The following CASS4 variants were observed in gnomAD, a reference collection of about 807,000 sequenced individuals.
The protein encoded by CASS4 is Cas scaffold protein family member 4.
In CASS4, 22 loss-of-function variants were observed where a neutral mutation model predicts 54.2. The ratio of observed to expected loss-of-function variants is 0.41; its 90% CI spans 0.29 to 0.58. CASS4 has a LOEUF of 0.58. Ranked by LOEUF, CASS4 falls within the 20% of genes least tolerant of loss-of-function variation. CASS4 has a pLI of 0.36. For missense variants in CASS4, 854 were observed against 986.7 expected, an observed-to-expected ratio of 0.87 and a Z score of 1.80; for synonymous variants, 409 against 391.5, an observed-to-expected ratio of 1.04 and a Z score of -0.53.
intron 2 of CASS4, among the ~76,000 whole-genome samples, chr20:56,443,275 A>T (rs1471806531): frequency 6.6e-6 from 1 of 151,318 alleles, no homozygotes; most frequent in African/African-American, 2.5e-5. Context: ...TGAGGTCAGG[A>T]GTTCAAAACC....
In CASS4 at chr20:56,412,542, G is replaced by A; in HGVS notation, c.36+48G>A. 1 of 1,592,344 alleles carries A rather than the reference G, an allele frequency of 6.3e-7. No individual in the cohort carries two copies. The highest frequency in any genetic ancestry group is 1.1e-5 in the South Asian group (1 of 88,466). ...AATGGGCTCTGGCGGGGAGCAAGCT[G>A]TGATGATTAAGGGTGTTGACCAGCT... On this transcript the variant is annotated intron_variant, in intron 1 of 5. Transcript: ENST00000679887. The surrounding 1 kb of genome is among the most constrained non-coding windows in gnomAD (Gnocchi z 4.2).
Position 56,451,967 on chromosome 20 carries a change from CG to C in CASS4, c.793del (p.Glu265LysfsTer30). The C allele has an allele frequency of 6.2e-7, 1 of 1,614,180 alleles. No individual in the cohort carries two copies. The highest frequency in any genetic ancestry group is 8.5e-7 in the Non-Finnish European group (1 of 1,180,018). On this transcript the variant is annotated frameshift_variant, in exon 5 of 6. Transcript: ENST00000679887. LOFTEE classifies it high-confidence loss of function. ...AGAAACACGCCTCTCACCAGCTTTG[CG>C]GAAGAATCAAGGCCCCACGCTCTCC... ...SVRNTPLTSF[A>X]EESRPHALPS... is the part of the protein sequence containing the mutation.
intron 1 of CASS4, among the ~76,000 whole-genome samples, chr20:56,432,428 C>T (rs958839168): frequency 3.1e-5 from 4 of 130,772 alleles, no homozygotes; most frequent in Admixed American, 2.9e-4. Context: ...AGTGCAGTGG[C>T]GCGATCTTGG....
chr20:56,450,498 T>C lies in CASS4; in HGVS notation c.562-101T>C, dbSNP rs1980944106. On this transcript the variant is annotated intron_variant, in intron 3 of 5. Transcript: ENST00000679887. ...GCACCGAAAAGTCTTCAGGAATTTG[T>C]GTCTTCCTTTGGAAAAAAACACTGG... 49 of 1,070,146 alleles carry C rather than the reference T, an allele frequency of 4.6e-5. No homozygotes were observed. The South Asian group carries it at 6.2e-4, about 13-fold the overall frequency. The allele number at this position is 1,070,146 out of a possible 1,614,324, so 66.3% of individuals were successfully genotyped here.
intron 4 of CASS4, among the ~76,000 whole-genome samples, chr20:56,451,031 A>G: frequency 6.6e-6 from 1 of 152,070 alleles, no homozygotes; most frequent in East Asian, 1.9e-4. Flanking sequence ...AAAAAAAAAA[A>G]AAAAGAAAGA....
chr20:56,434,557 C>A lies in CASS4; in HGVS notation c.37-2607C>A, dbSNP rs566038362. Among the ~76,000 whole-genome samples the A allele has an allele frequency of 1.6e-3, 236 of 152,194 alleles. 1 individual carries two copies. Among genetic ancestry groups the A allele is most frequent in the African/African-American group, 5.2e-3 (216 of 41,524 alleles). On this transcript the variant is annotated intron_variant, in intron 1 of 5. Transcript: ENST00000679887. ...GTTCAGGTGATTCTTCTGCCTCAGC[C>A]TCCCAAGTAGCTGGGTCTACAGGTG... is the stretch of plus-strand genomic sequence containing the variant.
At chr20:56,438,265 C>T (rs926996652) in intron 2 of CASS4, among the ~76,000 whole-genome samples, 1 of 145,542 alleles carries the variant, frequency 6.9e-6, no homozygotes. Context: ...ACTCCAGCCT[C>T]GGTGGCAGTG....
At chr20:56,456,137 G>A (rs527480200) in intron 5 of CASS4, among the ~76,000 whole-genome samples, 11 of 152,076 alleles carry the variant, frequency 7.2e-5, no homozygotes, top group South Asian at 2.1e-4. Flanking sequence ...CCGGGGCACC[G>A]TTGGCCACCG....
At chr20:56,432,672 T>C (rs1488087646) in intron 1 of CASS4, among the ~76,000 whole-genome samples, 1 of 152,134 alleles carries the variant, frequency 6.6e-6, no homozygotes, top group Non-Finnish European at 1.5e-5. Flanking sequence ...CCAGCCTAAG[T>C]CTTGACCTTT....
intron 2 of CASS4, among the ~76,000 whole-genome samples, chr20:56,442,084 T>C (rs1980489237): frequency 6.7e-6 from 1 of 149,182 alleles, no homozygotes; most frequent in African/African-American, 2.6e-5. Context: ...TGTTTTCCCA[T>C]GGCAAATTCA....
chr20:56,412,214 C>T (rs1351518129), upstream of CASS4: 4 of 515,560 alleles, frequency 7.8e-6, no homozygotes, highest in South Asian at 7.1e-5. The surrounding 1 kb of genome is among the most constrained non-coding windows in gnomAD (Gnocchi z 4.2). Flanking sequence ...GGCATTGAGA[C>T]GTGAGTGTGG....
chr20:56,419,000 T>C (rs1473793727), intron 1 of CASS4, among the ~76,000 whole-genome samples: 1 of 152,078 alleles, frequency 6.6e-6, no homozygotes, highest in Non-Finnish European at 1.5e-5. Context: ...TAGAGCACAC[T>C]TGGGGGGAAA....
At chr20:56,419,147 G>T (rs1010134348) in intron 1 of CASS4, among the ~76,000 whole-genome samples, 15 of 152,154 alleles carry the variant, frequency 9.9e-5, no homozygotes, top group African/African-American at 3.6e-4. Context: ...CGATGACTAA[G>T]GGAGGAAATG....
At chr20:56,455,089 G>A (rs1981227472) in intron 5 of CASS4, among the ~76,000 whole-genome samples, 1 of 151,044 alleles carries the variant, frequency 6.6e-6, no homozygotes, top group South Asian at 2.1e-4. Context: ...TTTGGGGCTT[G>A]TATATCTTCA....
intron 1 of CASS4, among the ~76,000 whole-genome samples, chr20:56,429,089 A>T (rs1004180358): frequency 1.3e-5 from 2 of 152,136 alleles, no homozygotes; most frequent in African/African-American, 4.8e-5. Flanking sequence ...TAGAGAGGGG[A>T]TTTCCATCCC....
intron 2 of CASS4, among the ~76,000 whole-genome samples, chr20:56,440,792 AAAC>A (rs1980417174): frequency 6.6e-6 from 1 of 152,186 alleles, no homozygotes. Flanking sequence ...AGGCTGTGGC[AAAC>A]AACAGAAACC....
intron 1 of CASS4, among the ~76,000 whole-genome samples, chr20:56,433,977 T>C (rs888190937): frequency 1.3e-5 from 2 of 152,222 alleles, no homozygotes; most frequent in Admixed American, 1.3e-4. Flanking sequence ...CAGCTGATTC[T>C]GTAGTTTTGA....
At chr20:56,425,389 G>A (rs1189437347) in intron 1 of CASS4, among the ~76,000 whole-genome samples, 1 of 152,216 alleles carries the variant, frequency 6.6e-6, no homozygotes, top group Non-Finnish European at 1.5e-5. Flanking sequence ...TCAAGGAAGA[G>A]GTAAATGCTC....
intron 4 of CASS4, 86 bp downstream of exon 4, chr20:56,450,765 G>T: frequency 1.5e-6 from 2 of 1,292,038 alleles, no homozygotes; most frequent in South Asian, 1.2e-5. Flanking sequence ...CAGGCACGGT[G>T]GCTGAAGCCT....
Sources: allele counts gnomAD v4.1 joint callset (sites outside exome capture counted in the v4.1 genomes callset), GRCh38; gene constraint gnomAD v4.1.1; non-coding constraint Gnocchi (gnomAD v3.1); transcripts MANE v1.5; gene names NCBI Gene and HGNC (gene_info 2026-07-23, HGNC 2026-07-21).